Variants in HRH1 observed in about 807,000 individuals in gnomAD.
HRH1 encodes the protein histamine receptor H1, also known as histamine H1 receptor.
Under a neutral mutation model 10.3 loss-of-function variants are expected in HRH1, and 6 were observed. The ratio of observed to expected loss-of-function variants is 0.58; its 90% CI spans 0.32 to 1.15. The LOEUF is 1.15. Ranked by LOEUF, HRH1 falls within the 50% of genes most tolerant of loss-of-function variation. The pLI is 0.05. For missense variants in HRH1, 514 were observed against 615.3 expected, an observed-to-expected ratio of 0.84 and a Z score of 1.74; for synonymous variants, 242 against 236.7, an observed-to-expected ratio of 1.02 and a Z score of -0.21.
At chr3:11,173,125 G>A (rs755517409) in intron 1 of HRH1, among the ~76,000 whole-genome samples, 110 of 152,130 alleles carry the variant, frequency 7.2e-4, no homozygotes, top group Non-Finnish European at 1.3e-3. Flanking sequence ...CCCTTCTTAG[G>A]GGCTTGCCAT....
chr3:11,239,714 C>A (rs1012775485), intron 1 of HRH1, among the ~76,000 whole-genome samples: 1 of 148,388 alleles, frequency 6.7e-6, no homozygotes, highest in Non-Finnish European at 1.5e-5. Flanking sequence ...GTTGTTCCAG[C>A]ATATGAATTA....
At chr3:11,255,334 G>C (rs941178915) in intron 1 of HRH1, among the ~76,000 whole-genome samples, 4 of 152,134 alleles carry the variant, frequency 2.6e-5, no homozygotes, top group Non-Finnish European at 5.9e-5. Context: ...GAGGAAAAGA[G>C]AAAAAGGAGA....
intron 1 of HRH1, among the ~76,000 whole-genome samples, chr3:11,225,555 C>T (rs895847779): frequency 1.3e-5 from 2 of 152,242 alleles, no homozygotes; most frequent in Non-Finnish European, 2.9e-5. Context: ...TCAGTAACTT[C>T]ATTAAGCACC....
chr3:11,259,649 G>A lies in HRH1; in HGVS notation c.612G>A (p.Leu204=), dbSNP rs943073783. The part of the protein sequence containing the change: ...TAIINFYLPT[L]LMLWFYAKIY... ...TCATCAACTTCTACCTGCCCACCTT[G>A]CTCATGCTCTGGTTCTATGCCAAGA... Residue 204 remains leucine (L), a synonymous_variant, in exon 2 of 2, where the codon TTG becomes TTA. Transcript: ENST00000431010. The surrounding 1 kb of genome is among the most constrained non-coding windows in gnomAD (Gnocchi z 4.6). 2 of 1,613,874 alleles carry A rather than the reference G, an allele frequency of 1.2e-6. No homozygotes were observed. The highest frequency in any genetic ancestry group is 3.3e-5 in the Admixed American group (2 of 60,002).
chr3:11,232,677 T>C (rs1023810608), intron 1 of HRH1, among the ~76,000 whole-genome samples: 2 of 152,264 alleles, frequency 1.3e-5, no homozygotes, highest in Admixed American at 6.5e-5. Flanking sequence ...GACATCTTGC[T>C]GATATTTTGA....
intron 1 of HRH1, among the ~76,000 whole-genome samples, chr3:11,218,051 A>G (rs998899531): frequency 6.6e-6 from 1 of 152,270 alleles, no homozygotes; most frequent in Non-Finnish European, 1.5e-5. Context: ...TAAGGAAATA[A>G]AAGGATGAAT....
chr3:11,258,134 T>C (rs1387779195), intron 1 of HRH1, among the ~76,000 whole-genome samples: 2 of 151,920 alleles, frequency 1.3e-5, no homozygotes, highest in Non-Finnish European at 2.9e-5. Flanking sequence ...ATATGCTAGA[T>C]TTATTTCATG....
intron 1 of HRH1, among the ~76,000 whole-genome samples, chr3:11,184,569 G>A (rs1937415853): frequency 6.6e-6 from 1 of 152,134 alleles, no homozygotes; most frequent in African/African-American, 2.4e-5. Flanking sequence ...AGGAGTGGCA[G>A]AAGTGCTTTC....
chr3:11,259,190 C>T lies in HRH1; in HGVS notation c.153C>T (p.Ala51=), dbSNP rs114972320. ...TVGLNLLVLY[A]VRSERKLHTV... Reference sequence around the variant, plus strand: ...GGCTCAACCTGCTGGTGCTGTATGCCGTACGGAGTGAGCGGAAGCTCCACA... The same window carrying T: ...GGCTCAACCTGCTGGTGCTGTATGCTGTACGGAGTGAGCGGAAGCTCCACA... Residue 51 remains alanine (A), a synonymous_variant, in exon 2 of 2, where the codon GCC becomes GCT. Transcript: ENST00000431010. This position sits in a 1 kb window ranked among gnomAD's most constrained non-coding sequence, Gnocchi z 4.6. 3,206 of 1,613,700 alleles carry T rather than the reference C, an allele frequency of 2.0e-3. 50 individuals carry two copies. The African/African-American group carries it at 0.033, about 17-fold the overall frequency.
intron 1 of HRH1, among the ~76,000 whole-genome samples, chr3:11,175,594 G>A (rs1257863709): frequency 6.6e-6 from 1 of 151,962 alleles, no homozygotes; most frequent in Non-Finnish European, 1.5e-5. Context: ...ACACAGTAAA[G>A]GAGAAATAAA....
At chr3:11,212,510 C>T (rs1305425558) in intron 1 of HRH1, among the ~76,000 whole-genome samples, 6 of 152,176 alleles carry the variant, frequency 3.9e-5, no homozygotes, top group Non-Finnish European at 8.8e-5. Flanking sequence ...GGGGCTATCA[C>T]GGGGCCCTAC....
At chr3:11,246,525 T>C (rs1939494037) in intron 1 of HRH1, among the ~76,000 whole-genome samples, 2 of 152,208 alleles carry the variant, frequency 1.3e-5, no homozygotes, top group African/African-American at 2.4e-5. Context: ...TTTTTCAAAA[T>C]ACAGGTCCCG....
At chr3:11,151,359 T>G (rs1936616363), upstream of HRH1, among the ~76,000 whole-genome samples, 1 of 152,202 alleles carries the variant, frequency 6.6e-6, no homozygotes. Context: ...TTATGACAAT[T>G]ACCTTTGAGC....
chr3:11,192,221 C>G (rs1574999400), intron 1 of HRH1, among the ~76,000 whole-genome samples: 1 of 152,340 alleles, frequency 6.6e-6, no homozygotes, highest in East Asian at 1.9e-4. Context: ...ACCTGCGTAA[C>G]CAGCGTCCCA....
At chr3:11,144,674 C>A (rs959192095) in intron 1 of HRH1, among the ~76,000 whole-genome samples, 4 of 151,650 alleles carry the variant, frequency 2.6e-5, no homozygotes, top group Admixed American at 1.3e-4. Context: ...AGCAGGTCTT[C>A]CTGGGACAAA....
chr3:11,202,290 A>C (rs1271482802), intron 1 of HRH1, among the ~76,000 whole-genome samples: 1 of 151,874 alleles, frequency 6.6e-6, no homozygotes, highest in Non-Finnish European at 1.5e-5. Context: ...TTGTAATCCC[A>C]GCTACTCGGG....
In HRH1 at chr3:11,238,833, G is replaced by T. The variant is rs372894194; in HGVS notation, c.-35-20170G>T. ...ATTCACCTAGCATGATGTTTTTCCA[G>T]TTCACCCATGGTGTAGCTTGGAACA... On this transcript the variant is annotated intron_variant, in intron 1 of 1. Transcript: ENST00000431010. Among the ~76,000 whole-genome samples the T allele has an allele frequency of 1.9e-4, 29 of 152,282 alleles. No homozygotes were observed. The South Asian group carries it at 6.0e-3, about 32-fold the overall frequency.
intron 1 of HRH1, among the ~76,000 whole-genome samples, chr3:11,250,972 T>G (rs977131668): frequency 1.1e-4 from 16 of 152,236 alleles, no homozygotes; most frequent in Non-Finnish European, 2.4e-4. Flanking sequence ...GTGAGTTCCT[T>G]GATGTAGCTG....
chr3:11,185,145 G>T (rs974422674), intron 1 of HRH1, among the ~76,000 whole-genome samples: 6 of 152,018 alleles, frequency 3.9e-5, no homozygotes, highest in Admixed American at 1.3e-4. Context: ...GAAGTGCCTG[G>T]GTCCTAGTGC....
Sources: allele counts gnomAD v4.1 joint callset (sites outside exome capture counted in the v4.1 genomes callset), GRCh38; gene constraint gnomAD v4.1.1; non-coding constraint Gnocchi (gnomAD v3.1); transcripts MANE v1.5; gene names NCBI Gene and HGNC (gene_info 2026-07-23, HGNC 2026-07-21).